Variants in SYNJ1 observed in about 807,000 individuals in gnomAD.
SYNJ1 encodes polyphosphatidylinositol phosphatase SYNJ1.
SYNJ1 carries 78 observed loss-of-function variants against 168.2 expected under a neutral mutation model. That is an observed-to-expected ratio of 0.46 (90% CI 0.39 to 0.56). SYNJ1 has a LOEUF of 0.56. SYNJ1 is among the 20% of genes least tolerant of loss of function. The pLI is 0.00. For synonymous variants in SYNJ1, 539 were observed against 548.6 expected, an observed-to-expected ratio of 0.98 and a Z score of 0.24; for missense variants, 1,303 against 1,597.6, an observed-to-expected ratio of 0.82 and a Z score of 3.14.
intron 18 of SYNJ1, among the ~76,000 whole-genome samples, chr21:32,664,032 G>A (rs966795525): frequency 6.6e-6 from 1 of 152,150 alleles, no homozygotes; most frequent in Non-Finnish European, 1.5e-5. Context: ...TTTGATCCGG[G>A]GGCCATGTTT....
intron 13 of SYNJ1, among the ~76,000 whole-genome samples, chr21:32,675,692 A>C (rs1010120865): frequency 2.6e-5 from 4 of 152,214 alleles, no homozygotes; most frequent in African/African-American, 9.6e-5. Flanking sequence ...CAAGATCATA[A>C]ACCTTGCCCA....
At chr21:32,678,039 C>T (rs2041479905) in intron 12 of SYNJ1, among the ~76,000 whole-genome samples, 1 of 152,072 alleles carries the variant, frequency 6.6e-6, no homozygotes, top group African/African-American at 2.4e-5. Flanking sequence ...CTTTTATGTG[C>T]TCACTGATAG....
intron 1 of SYNJ1, 123 bp from the exon 2 acceptor site, chr21:32,727,040 G>C: frequency 7.5e-7 from 1 of 1,328,858 alleles, no homozygotes; most frequent in Admixed American, 2.7e-5. Flanking sequence ...GGAAAAAACA[G>C]ACAGCTCTGG....
chr21:32,715,398 C>A (rs1045160901), intron 2 of SYNJ1, among the ~76,000 whole-genome samples: 1 of 151,554 alleles, frequency 6.6e-6, no homozygotes, highest in African/African-American at 2.4e-5. Flanking sequence ...CACCTGAACC[C>A]AGGAGGCTGA....
chr21:32,681,483 G>A lies in SYNJ1; in HGVS notation c.1353+13C>T, dbSNP rs113879538. The A allele has an allele frequency of 6.2e-7, 1 of 1,604,842 alleles. No homozygotes were observed. Among genetic ancestry groups the A allele is most frequent in the Non-Finnish European group, 8.5e-7 (1 of 1,175,246 alleles). On this transcript the variant is annotated intron_variant, in intron 11 of 32. Transcript: ENST00000674351. ...GAGGATATTCTGTAATGTTATGATA[G>A]ATCTAGATATACCTTCGCTTTCCCT...
At chr21:32,650,796 T>C (rs1316838056) in intron 22 of SYNJ1, among the ~76,000 whole-genome samples, 1 of 152,244 alleles carries the variant, frequency 6.6e-6, no homozygotes, top group Admixed American at 6.5e-5. Context: ...ACTTGGCATA[T>C]GGTCCTAAGA....
At chr21:32,673,811 A>G (rs1201321371) in intron 13 of SYNJ1, among the ~76,000 whole-genome samples, 1 of 152,180 alleles carries the variant, frequency 6.6e-6, no homozygotes, top group Non-Finnish European at 1.5e-5. Context: ...TTATTGCAGC[A>G]ACATGCAGAA....
intron 8 of SYNJ1, among the ~76,000 whole-genome samples, chr21:32,686,253 A>G (rs2041834155): frequency 6.6e-6 from 1 of 152,156 alleles, no homozygotes; most frequent in South Asian, 2.1e-4. Context: ...ATACATACAA[A>G]TATTCTTAAA....
intron 18 of SYNJ1, among the ~76,000 whole-genome samples, chr21:32,659,167 C>CA (rs2040580818): frequency 6.7e-6 from 1 of 150,170 alleles, no homozygotes; most frequent in African/African-American, 2.5e-5. Flanking sequence ...TTTCAAAAGT[C>CA]AGATGACATA....
chr21:32,670,250 C>T (rs2145956617), intron 15 of SYNJ1, 38 bp downstream of exon 15: 1 of 1,579,314 alleles, frequency 6.3e-7, no homozygotes, highest in East Asian at 2.2e-5. Flanking sequence ...TTTCCCTCAA[C>T]TGGCAAATTT....
chr21:32,682,827 T>C (rs2041676038), intron 10 of SYNJ1, among the ~76,000 whole-genome samples: 1 of 152,182 alleles, frequency 6.6e-6, no homozygotes. Context: ...AGAATCCATG[T>C]ACATTTATTC....
In SYNJ1 at chr21:32,641,983, A is replaced by G. The variant is rs773319067; in HGVS notation, c.3518-17T>C. 5 of 1,613,482 alleles carry G rather than the reference A, an allele frequency of 3.1e-6. No homozygotes were observed. Among genetic ancestry groups the G allele is most frequent in the Admixed American group, 1.7e-5 (1 of 59,898 alleles). On this transcript the variant is annotated splice_polypyrimidine_tract_variant and intron_variant, in intron 28 of 32. Transcript: ENST00000674351. ...GACTGCGTCCTGGAACAAAGACATCATATCATATATTTAAGTTTAAAAAAA... is the reference window on the plus strand; with the variant it reads ...GACTGCGTCCTGGAACAAAGACATCGTATCATATATTTAAGTTTAAAAAAA...
intron 6 of SYNJ1, among the ~76,000 whole-genome samples, chr21:32,693,344 C>T (rs927788510): frequency 2.0e-5 from 3 of 152,144 alleles, no homozygotes; most frequent in Non-Finnish European, 2.9e-5. Flanking sequence ...CAAGTCAAAT[C>T]GTCTTGACAA....
chr21:32,691,867 T>C lies in SYNJ1; in HGVS notation c.789+2361A>G, dbSNP rs1454241085. Among the ~76,000 whole-genome samples, 4 of 152,218 alleles carry C rather than the reference T, an allele frequency of 2.6e-5. No homozygotes were observed. In the East Asian group the frequency reaches 7.7e-4, roughly 29 times the overall value. On this transcript the variant is annotated intron_variant, in intron 6 of 32. Transcript: ENST00000674351. ...TTAGTGAAGAGATCTGAGTGGCCAC[T>C]GAAGGACAATAAATCTTAATTTTGG...
intron 18 of SYNJ1, among the ~76,000 whole-genome samples, chr21:32,659,430 A>T (rs1248161648): frequency 6.6e-6 from 1 of 152,160 alleles, no homozygotes. Context: ...AAGAAAGAAG[A>T]AGTAAAAACT....
chr21:32,657,182 CAA>C, intron 19 of SYNJ1, 62 bp from the exon 20 acceptor site: 1 of 1,115,686 alleles, frequency 9.0e-7, no homozygotes, highest in South Asian at 1.3e-5. Flanking sequence ...TCGTGTAGAG[CAA>C]AGAGGCATTC....
intron 14 of SYNJ1, among the ~76,000 whole-genome samples, chr21:32,671,341 C>G (rs1473982637): frequency 6.6e-6 from 1 of 151,850 alleles, no homozygotes; most frequent in South Asian, 2.1e-4. Context: ...TATAAATAGT[C>G]TGAACTAACA....
At chr21:32,642,052 G>A (rs191540865) in intron 28 of SYNJ1, 43 bp downstream of exon 28, 27 of 1,613,098 alleles carry the variant, frequency 1.7e-5, no homozygotes, top group Middle Eastern at 3.3e-4. Flanking sequence ...TCTATTTCAC[G>A]GTCCAGTTTT....
intron 6 of SYNJ1, among the ~76,000 whole-genome samples, chr21:32,689,411 C>T (rs559158314): frequency 1.0e-3 from 154 of 152,334 alleles, no homozygotes; most frequent in Non-Finnish European, 1.4e-3. Flanking sequence ...ATTCTCCTGC[C>T]TCAGCCTCCC....
Sources: gnomAD v4.1 joint callset for allele counts (sites outside exome capture counted in the v4.1 genomes callset) on GRCh38, gnomAD v4.1.1 for gene constraint, MANE v1.5 for transcripts, NCBI Gene and HGNC (gene_info 2026-07-23, HGNC 2026-07-21) for gene names.